FOXN3: variants seen among roughly 807,000 people sequenced by gnomAD.
FOXN3 encodes the protein forkhead box protein N3.
In FOXN3, 7 loss-of-function variants were observed where a neutral mutation model predicts 38.4. That is an observed-to-expected ratio of 0.18 (90% CI 0.10 to 0.34). The LOEUF (loss-of-function observed/expected upper bound fraction) is 0.34. Among genes scored for constraint, FOXN3 ranks in the 10% least tolerant of loss-of-function variants. The probability of loss-of-function intolerance (pLI) is 1.00; values close to 1 mark genes in which losing one functional copy is unlikely to be tolerated. For synonymous variants in FOXN3, 230 were observed against 242.2 expected (o/e 0.95, Z 0.47); for missense variants, 456 against 613.4 (o/e 0.74, Z 2.71).
intron 1 of FOXN3, among the ~76,000 whole-genome samples, chr14:89,450,646 C>T (rs888184311): frequency 7.9e-5 from 12 of 151,394 alleles, no homozygotes; most frequent in African/African-American, 2.7e-4. Flanking sequence ...AGTGCAGTGG[C>T]ACAATCTCGG....
chr14:89,547,009 T>G (rs374858113), intron 1 of FOXN3, among the ~76,000 whole-genome samples: 5 of 151,966 alleles, frequency 3.3e-5, no homozygotes, highest in East Asian at 1.9e-4. Context: ...GGTCTCGAAC[T>G]CCTGACCTTA....
intron 1 of FOXN3, among the ~76,000 whole-genome samples, chr14:89,505,422 G>A (rs1383377772): frequency 8.6e-5 from 13 of 152,010 alleles, no homozygotes; most frequent in South Asian, 2.1e-4. Flanking sequence ...TTGCAGGCGC[G>A]CACCGCCACG....
chr14:89,334,920 C>T (rs1888398725), intron 3 of FOXN3, among the ~76,000 whole-genome samples: 2 of 152,096 alleles, frequency 1.3e-5, no homozygotes, highest in South Asian at 4.1e-4. Flanking sequence ...GCGTGCACCA[C>T]CACACCCAGC....
intron 1 of FOXN3, among the ~76,000 whole-genome samples, chr14:89,579,150 ATTTTT>A (rs35744248): frequency 4.7e-5 from 6 of 127,744 alleles, no homozygotes; most frequent in Admixed American, 1.6e-4. Context: ...ATGCCCAGCC[ATTTTT>A]TTTTTTTTTT....
chr14:89,399,615 T>A (rs1351369251), intron 2 of FOXN3, among the ~76,000 whole-genome samples: 1 of 152,234 alleles, frequency 6.6e-6, no homozygotes, highest in Non-Finnish European at 1.5e-5. Context: ...AAATAAATTC[T>A]GCCAGGAGAT....
chr14:89,403,926 A>G (rs1891316029), intron 2 of FOXN3, among the ~76,000 whole-genome samples: 1 of 152,202 alleles, frequency 6.6e-6, no homozygotes, highest in African/African-American at 2.4e-5. Context: ...GAGAATACAA[A>G]GGGCATACAG....
chr14:89,168,611 T>C (rs1887303019), intron 5 of FOXN3, among the ~76,000 whole-genome samples: 1 of 151,430 alleles, frequency 6.6e-6, no homozygotes, highest in Admixed American at 6.6e-5. Flanking sequence ...GGAAGAAAGG[T>C]TGGATGAGAC....
rs575273802 is a variant in FOXN3 at position 89,430,073 on chromosome 14, T to A, written c.-14-17583A>T. Among the ~76,000 whole-genome samples, 3 of 152,340 alleles carry A rather than the reference T, an allele frequency of 2.0e-5. No homozygotes were observed. The East Asian group carries it at 5.8e-4, about 29-fold the overall frequency. ...TTTTTCCATTAGTTATTACAAGCAA[T>A]CATGATGCTCTAAAAATAGCAGCAA... On this transcript the variant is annotated intron_variant, in intron 1 of 6. Coordinates refer to the FOXN3 transcript ENST00000345097.
At chr14:89,240,287 A>C (rs1224282108) in intron 4 of FOXN3, among the ~76,000 whole-genome samples, 1 of 152,204 alleles carries the variant, frequency 6.6e-6, no homozygotes, top group Non-Finnish European at 1.5e-5. Context: ...AGGAAAAAAA[A>C]AAAATGAGCA....
At position 89,164,984 on chromosome 14, in the gene FOXN3, G is replaced by GA. The variant is rs1411694450; in HGVS notation, c.852-2016dup. Among the ~76,000 whole-genome samples the GA allele has an allele frequency of 2.0e-5, 3 of 152,264 alleles. No individual in the cohort carries two copies. In the East Asian group the frequency reaches 5.8e-4, roughly 29 times the overall value. ...GTATTTTGCTAAATTTAGGCTGGGG[G>GA]AGAGACTCCGTACTGTCGTGTCCAC... On this transcript the variant is annotated intron_variant, in intron 5 of 5. Coordinates refer to ENST00000557258, the MANE Select transcript of FOXN3 (RefSeq NM_005197.4). The surrounding 1 kb of genome is among the most constrained non-coding windows in gnomAD (Gnocchi z 4.3).
At chr14:89,274,544 A>G (rs1006023753) in intron 4 of FOXN3, among the ~76,000 whole-genome samples, 4 of 152,146 alleles carry the variant, frequency 2.6e-5, no homozygotes, top group Admixed American at 6.5e-5. Flanking sequence ...GGTTGTGAGA[A>G]ACACATCTCG....
intron 1 of FOXN3, among the ~76,000 whole-genome samples, chr14:89,477,733 C>T (rs1596290443): frequency 6.6e-6 from 1 of 152,170 alleles, no homozygotes; most frequent in African/African-American, 2.4e-5. Context: ...GGATTTAGAC[C>T]AGCTTAATTT....
chr14:89,418,137 G>C (rs1891803932), upstream of FOXN3, among the ~76,000 whole-genome samples: 1 of 152,136 alleles, frequency 6.6e-6, no homozygotes, highest in South Asian at 2.1e-4. Flanking sequence ...AGGACACCCT[G>C]GTGGTGACAA....
intron 2 of FOXN3, among the ~76,000 whole-genome samples, chr14:89,388,028 C>T (rs989121627): frequency 6.6e-6 from 1 of 152,176 alleles, no homozygotes; most frequent in East Asian, 1.9e-4. Flanking sequence ...ACTAAAAATA[C>T]AAAAATTAGC....
chr14:89,429,637 A>G (rs141454573), intron 1 of FOXN3, among the ~76,000 whole-genome samples: 1,945 of 152,200 alleles, frequency 0.013, 20 homozygotes, highest in Admixed American at 0.038. Flanking sequence ...TTAGCCAGGG[A>G]AGGATTCAAC....
At chr14:89,284,334 A>C in intron 3 of FOXN3, 1 of 388,594 alleles carries the variant, frequency 2.6e-6, no homozygotes, top group Non-Finnish European at 5.2e-6. Context: ...ATAGGGAGAC[A>C]GACAGAGGTC....
chr14:89,219,769 A>G (rs1476260455), intron 4 of FOXN3, among the ~76,000 whole-genome samples: 1 of 152,182 alleles, frequency 6.6e-6, no homozygotes, highest in Non-Finnish European at 1.5e-5. Context: ...GGCATTGTCA[A>G]TGAATGTTAG....
intron 1 of FOXN3, among the ~76,000 whole-genome samples, chr14:89,476,880 G>A (rs922430105): frequency 2.6e-5 from 4 of 152,140 alleles, no homozygotes; most frequent in African/African-American, 9.7e-5. Context: ...CTTCAGACCT[G>A]CAGTGAATGG....
chr14:89,556,796 G>A (rs1488985582), intron 1 of FOXN3, among the ~76,000 whole-genome samples: 1 of 152,174 alleles, frequency 6.6e-6, no homozygotes, highest in Non-Finnish European at 1.5e-5. Context: ...CTGGTCTCTG[G>A]TCTACCAGAG....
Sources: allele counts gnomAD v4.1 joint callset (sites outside exome capture counted in the v4.1 genomes callset), GRCh38; gene constraint gnomAD v4.1.1; non-coding constraint Gnocchi (gnomAD v3.1); transcripts MANE v1.5; gene names NCBI Gene and HGNC (gene_info 2026-07-23, HGNC 2026-07-21).